Variants in COL4A4 observed in about 807,000 individuals in gnomAD.
COL4A4 encodes collagen alpha-4(IV) chain.
In COL4A4, 105 loss-of-function variants were observed where a neutral mutation model predicts 192.9. The observed-to-expected ratio is 0.54, with a 90% CI of 0.46 to 0.64. The LOEUF (loss-of-function observed/expected upper bound fraction) is 0.64, where lower values mean the gene tolerates loss of function less well. Ranked by LOEUF, COL4A4 falls within the 30% of genes least tolerant of loss-of-function variation. The probability of loss-of-function intolerance (pLI) is 0.00; values close to 1 mark genes in which losing one functional copy is unlikely to be tolerated. For synonymous variants in COL4A4, 762 were observed against 769.9 expected, an observed-to-expected ratio of 0.99 and a Z score of 0.17; for missense variants, 1,967 against 2,169.3, an observed-to-expected ratio of 0.91 and a Z score of 1.85.
intron 1 of COL4A4, among the ~76,000 whole-genome samples, chr2:227,148,544 C>T (rs976666300): frequency 6.6e-6 from 1 of 151,970 alleles, no homozygotes; most frequent in Non-Finnish European, 1.5e-5. Flanking sequence ...GTTATGGCTG[C>T]ACAACATTAT....
At chr2:226,993,934 A>T in the COL4A4 span, among the ~76,000 whole-genome samples, 1 of 152,202 alleles carries the variant, frequency 6.6e-6, no homozygotes, top group Non-Finnish European at 1.5e-5. Flanking sequence ...GGCAATGAGC[A>T]AGAGGGATCC....
Position 227,101,922 on chromosome 2 carries a change from C to A in COL4A4, c.931-13G>T. 1.3e-5 allele frequency: 20 copies of A among 1,590,462 alleles called. No homozygotes were observed. Among genetic ancestry groups the A allele is most frequent in the Non-Finnish European group, 1.0e-5 (12 of 1,163,708 alleles). On this transcript the variant is annotated splice_polypyrimidine_tract_variant and intron_variant, in intron 15 of 47. Transcript: ENST00000396625. ...AACCAGGATCCCCCTAATAAATTCA[C>A]AAAAATCAGGATAAACAGAATTAAA... is the stretch of plus-strand genomic sequence containing the variant.
At chr2:227,100,138 C>T (rs980615584) in intron 17 of COL4A4, among the ~76,000 whole-genome samples, 1 of 152,120 alleles carries the variant, frequency 6.6e-6, no homozygotes, top group African/African-American at 2.4e-5. Context: ...TTTAAGGGAA[C>T]ACAATTCCCT....
intron 42 of COL4A4, 64 bp downstream of exon 42, chr2:227,027,838 T>C: frequency 8.6e-7 from 1 of 1,158,946 alleles, no homozygotes; most frequent in Non-Finnish European, 1.3e-6. Context: ...ATTAACTACT[T>C]TCTGAACGAT....
chr2:227,031,042 G>GATGGATGA (rs1968263107), intron 40 of COL4A4, among the ~76,000 whole-genome samples: 1 of 18,902 alleles, frequency 5.3e-5, no homozygotes, highest in African/African-American at 3.6e-4. Flanking sequence ...TGGATGGACA[G>GATGGATGA]ATGGATGGAT....
At chr2:227,095,003 C>T (rs1315034111) in intron 19 of COL4A4, among the ~76,000 whole-genome samples, 1 of 152,096 alleles carries the variant, frequency 6.6e-6, no homozygotes, top group African/African-American at 2.4e-5. Flanking sequence ...AAAGAAAAAA[C>T]ATAGCTCAAA....
At position 227,059,627 on chromosome 2, in the gene COL4A4, T is replaced by C. The variant is rs776551903; in HGVS notation, c.2165-4A>G. The C allele has an allele frequency of 6.2e-7, 1 of 1,612,214 alleles. No individual in the cohort carries two copies. Among genetic ancestry groups the C allele is most frequent in the Non-Finnish European group, 8.5e-7 (1 of 1,179,258 alleles). ...TCTCCCATGTCACCACGAAAACCTATTTAACAACAAAAAAAAATTTTTAAT... is the reference window on the plus strand; with the variant it reads ...TCTCCCATGTCACCACGAAAACCTACTTAACAACAAAAAAAAATTTTTAAT... On this transcript the variant is annotated splice_polypyrimidine_tract_variant and splice_region_variant and intron_variant, in intron 27 of 47. Transcript: ENST00000396625.
chr2:227,053,831 C>T (rs1974704285), intron 31 of COL4A4, among the ~76,000 whole-genome samples: 1 of 151,964 alleles, frequency 6.6e-6, no homozygotes, highest in Non-Finnish European at 1.5e-5. Context: ...CAGGCGTGAG[C>T]CACCACACCT....
At chr2:227,099,902 C>A (rs1016474950) in intron 17 of COL4A4, among the ~76,000 whole-genome samples, 2 of 152,112 alleles carry the variant, frequency 1.3e-5, no homozygotes, top group African/African-American at 4.8e-5. Context: ...TAGCAAGTCA[C>A]AAAGCTTCTA....
chr2:227,082,809 A>G (rs560138199), intron 22 of COL4A4, among the ~76,000 whole-genome samples: 29 of 152,344 alleles, frequency 1.9e-4, no homozygotes, highest in Admixed American at 1.7e-3. Flanking sequence ...ATTCTGTATA[A>G]CAGGTAAATA....
intron 2 of COL4A4, among the ~76,000 whole-genome samples, chr2:227,146,282 CCTTTTT>C (rs2063542089): frequency 1.0e-5 from 1 of 98,994 alleles, no homozygotes; most frequent in Non-Finnish European, 1.9e-5. Flanking sequence ...TAAGATCATT[CCTTTTT>C]TTTTTTTCTT....
Position 227,088,685 on chromosome 2 carries a change from G to A in COL4A4, c.1591C>T (p.Pro531Ser), listed in dbSNP as rs745843581. The A allele has an allele frequency of 1.8e-5, 29 of 1,613,978 alleles. No homozygotes were observed. The highest frequency in any genetic ancestry group is 2.2e-5 in the Non-Finnish European group (26 of 1,180,012). The change falls in exon 22 of 48, where the codon CCT becomes TCT. Residue 531 changes from proline to serine, a missense_variant. Pro to Ser is a moderately conservative substitution (Grantham distance 74, BLOSUM62 -1). Coordinates refer to ENST00000396625, the MANE Select transcript of COL4A4 (RefSeq NM_000092.5). ...CCTGGAGGTCCTTCAGCACCAGGAG[G>A]TCCTGGGTCACCTTTTGTTCCAAGC... ...GWLGTKGDPG[P>S]PGAEGPPGLP...
At chr2:227,070,780 A>T (rs1291176078) in intron 25 of COL4A4, among the ~76,000 whole-genome samples, 1 of 151,680 alleles carries the variant, frequency 6.6e-6, no homozygotes, top group Admixed American at 6.6e-5. Flanking sequence ...ATGCTAGATG[A>T]CGAGTTAGTG....
At chr2:227,135,742 A>G (rs943957051) in intron 4 of COL4A4, among the ~76,000 whole-genome samples, 5 of 152,080 alleles carry the variant, frequency 3.3e-5, no homozygotes, top group Admixed American at 3.3e-4. Context: ...TCATGGGTTC[A>G]AGCAATTCTC....
At chr2:227,104,842 T>C (rs1173729442) in intron 12 of COL4A4, among the ~76,000 whole-genome samples, 1 of 151,336 alleles carries the variant, frequency 6.6e-6, no homozygotes, top group Non-Finnish European at 1.5e-5. Context: ...GGTTTCTCCA[T>C]GTTGGTCAGG....
At chr2:227,080,672 T>C (rs1165601873) in intron 23 of COL4A4, 123 bp from the exon 24 acceptor site, 1 of 778,614 alleles carries the variant, frequency 1.3e-6, no homozygotes, top group Non-Finnish European at 2.2e-6. Flanking sequence ...GTATCTCAAT[T>C]GCTCAAGTCA....
At chr2:226,981,486 CTG>C in the COL4A4 span, among the ~76,000 whole-genome samples, 1 of 151,840 alleles carries the variant, frequency 6.6e-6, no homozygotes, top group Admixed American at 6.6e-5. Context: ...TCTCCTGCCT[CTG>C]TAGGTTAGCA....
intron 13 of COL4A4, 100 bp downstream of exon 13, chr2:227,103,872 T>C (rs2060665451): frequency 1.4e-5 from 12 of 831,268 alleles, no homozygotes; most frequent in Non-Finnish European, 2.2e-5. Flanking sequence ...ACTAGTGCAG[T>C]GATGCATAGA....
At chr2:227,028,032 A>C in intron 41 of COL4A4, 23 bp from the exon 42 acceptor site, 1 of 1,455,210 alleles carries the variant, frequency 6.9e-7, no homozygotes. Flanking sequence ...CAAAACATAA[A>C]AATGAGGGCA....
Sources: allele counts gnomAD v4.1 joint callset (sites outside exome capture counted in the v4.1 genomes callset), GRCh38; gene constraint gnomAD v4.1.1; transcripts MANE v1.5; gene names NCBI Gene and HGNC (gene_info 2026-07-23, HGNC 2026-07-21).